The following TAS2R1 variants were observed in gnomAD, a reference collection of about 807,000 sequenced individuals.
The protein encoded by TAS2R1 is taste receptor type 2 member 1.
For missense variants in TAS2R1, 370 were observed against 353.4 expected, an observed-to-expected ratio of 1.05 and a Z score of -0.38; for synonymous variants, 141 against 134.2, an observed-to-expected ratio of 1.05 and a Z score of -0.35.
rs1715976510 is a variant in TAS2R1 at position 9,627,395 on chromosome 5, G to GA, written c.*1737dup. On this transcript the variant is annotated 3_prime_UTR_variant, in exon 1 of 1. Transcript: ENST00000382492. The stretch of plus-strand genomic sequence containing the variant: ...TGAATTCTTTTTTTAAACATTTCTT[G>GA]ATAACAGTATAAAAACCTAGTCATA... Among the ~76,000 whole-genome samples the GA allele has an allele frequency of 6.7e-6, 1 of 149,796 alleles. No homozygotes were observed. The highest frequency in any genetic ancestry group is 2.1e-4 in the South Asian group (1 of 4,824).
the TAS2R1 span, among the ~76,000 whole-genome samples, chr5:9,846,524 T>C: frequency 6.6e-6 from 1 of 152,222 alleles, no homozygotes; most frequent in Admixed American, 6.5e-5. Flanking sequence ...CAGAGACCAT[T>C]TGAAATAACA....
chr5:9,748,343 G>T, the TAS2R1 span, among the ~76,000 whole-genome samples: 1 of 152,058 alleles, frequency 6.6e-6, no homozygotes, highest in Non-Finnish European at 1.5e-5. Context: ...TAATCTAATG[G>T]TTTAAAACAA....
chr5:9,826,014 T>C, the TAS2R1 span, among the ~76,000 whole-genome samples: 2 of 152,212 alleles, frequency 1.3e-5, no homozygotes, highest in African/African-American at 4.8e-5. Flanking sequence ...CAAGCTGATA[T>C]TGTTTCTAGG....
At chr5:9,636,612 G>A (rs1053791772) in intron 2 of TAS2R1, among the ~76,000 whole-genome samples, 2 of 151,924 alleles carry the variant, frequency 1.3e-5, no homozygotes, top group Admixed American at 6.6e-5. Context: ...CCAGTGTTAG[G>A]TGCATATATA....
At chr5:9,740,699 C>A in the TAS2R1 span, among the ~76,000 whole-genome samples, 8 of 152,202 alleles carry the variant, frequency 5.3e-5, no homozygotes, top group African/African-American at 1.9e-4. Context: ...TCAGAGACAT[C>A]TCCCAGTAAC....
the TAS2R1 span, among the ~76,000 whole-genome samples, chr5:9,825,940 AT>A: frequency 6.6e-6 from 1 of 152,174 alleles, no homozygotes; most frequent in South Asian, 2.1e-4. Flanking sequence ...AGGAGCCATG[AT>A]TCCTTACAGG....
the TAS2R1 span, among the ~76,000 whole-genome samples, chr5:9,829,673 G>C: frequency 6.6e-6 from 1 of 152,176 alleles, no homozygotes; most frequent in Non-Finnish European, 1.5e-5. Context: ...CTAAACCCCA[G>C]CTGAGGGCTT....
At chr5:9,771,450 T>C in the TAS2R1 span, among the ~76,000 whole-genome samples, 1 of 152,208 alleles carries the variant, frequency 6.6e-6, no homozygotes, top group Non-Finnish European at 1.5e-5. Flanking sequence ...GCATCAATTT[T>C]CATGGGAATA....
the TAS2R1 span, among the ~76,000 whole-genome samples, chr5:9,899,028 T>C: frequency 1.3e-5 from 2 of 152,224 alleles, no homozygotes; most frequent in African/African-American, 4.8e-5. Flanking sequence ...ACCATTGGAA[T>C]GTGTATTTCT....
chr5:9,845,395 T>C, the TAS2R1 span, among the ~76,000 whole-genome samples: 1 of 152,216 alleles, frequency 6.6e-6, no homozygotes, highest in Non-Finnish European at 1.5e-5. Context: ...ATATGTTGCA[T>C]GCAGTAAACA....
rs529270325 is a variant in TAS2R1, at chr5:9,693,105, G to C, written c.-242+19067C>G. 3.3e-5 allele frequency among the ~76,000 whole-genome samples: 5 copies of C among 152,310 alleles called. No homozygotes were observed. In the East Asian group the frequency reaches 9.6e-4, roughly 29 times the overall value. On this transcript the variant is annotated intron_variant, in intron 1 of 2. Transcript: ENST00000506620. ...ATGAGCAAAACACTCCACAGAGATT[G>C]ACAGGTGCAGCTGAGATGGCTTTCT...
chr5:9,677,678 G>A (rs757280043), intron 1 of TAS2R1, among the ~76,000 whole-genome samples: 2 of 152,248 alleles, frequency 1.3e-5, no homozygotes, highest in Non-Finnish European at 2.9e-5. Context: ...AACACTAAAT[G>A]CTGGCAAGAA....
the TAS2R1 span, among the ~76,000 whole-genome samples, chr5:9,856,079 A>T: frequency 6.6e-6 from 1 of 152,228 alleles, no homozygotes; most frequent in Non-Finnish European, 1.5e-5. Context: ...CATTTCTAAC[A>T]ATGGTTTATT....
At chr5:9,654,404 A>G (rs1740368791) in intron 2 of TAS2R1, among the ~76,000 whole-genome samples, 1 of 152,214 alleles carries the variant, frequency 6.6e-6, no homozygotes, top group South Asian at 2.1e-4. Context: ...AAAAAATAGC[A>G]TTTTAATTAA....
chr5:9,755,602 A>AG, the TAS2R1 span, among the ~76,000 whole-genome samples: 30 of 151,964 alleles, frequency 2.0e-4, no homozygotes, highest in South Asian at 6.2e-4. Flanking sequence ...AAAAAAAAAA[A>AG]AAAGAAAAAC....
intron 1 of TAS2R1, among the ~76,000 whole-genome samples, chr5:9,706,797 G>A (rs1008842524): frequency 6.6e-6 from 1 of 152,146 alleles, no homozygotes; most frequent in Non-Finnish European, 1.5e-5. Flanking sequence ...TGCTGCTGGG[G>A]AGGGAGCTGC....
At chr5:9,731,788 A>G in the TAS2R1 span, among the ~76,000 whole-genome samples, 72,306 of 152,016 alleles carry the variant, frequency 0.48, 19,389 homozygotes, top group African/African-American at 0.74. Flanking sequence ...TTTGATAACT[A>G]GCTGTCCTTC....
At chr5:9,663,607 T>C (rs914593034) in intron 1 of TAS2R1, among the ~76,000 whole-genome samples, 4 of 152,222 alleles carry the variant, frequency 2.6e-5, no homozygotes, top group Non-Finnish European at 5.9e-5. Context: ...GAGCTTGCTT[T>C]CTTATTTTCT....
At chr5:9,670,276 T>C (rs1189257769) in intron 1 of TAS2R1, among the ~76,000 whole-genome samples, 1 of 152,160 alleles carries the variant, frequency 6.6e-6, no homozygotes, top group Non-Finnish European at 1.5e-5. Context: ...CCTCCTTACA[T>C]TTTTTAAGTT....
Sources: gnomAD v4.1 joint callset for allele counts (sites outside exome capture counted in the v4.1 genomes callset) on GRCh38, gnomAD v4.1.1 for gene constraint, MANE v1.5 for transcripts, NCBI Gene and HGNC (gene_info 2026-07-23, HGNC 2026-07-21) for gene names.